AFG2A: variants seen among roughly 807,000 people sequenced by gnomAD.
The protein encoded by AFG2A is ATPase family gene 2 protein homolog A.
chr4:123,210,719 C>A, the AFG2A span, among the ~76,000 whole-genome samples: 1 of 152,028 alleles, frequency 6.6e-6, no homozygotes, highest in African/African-American at 2.4e-5. Context: ...AGTGGGTTTG[C>A]TAGACTACAT....
the AFG2A span, among the ~76,000 whole-genome samples, chr4:123,209,903 C>A: frequency 6.6e-6 from 1 of 152,082 alleles, no homozygotes; most frequent in Non-Finnish European, 1.5e-5. Context: ...TCTTCAACAG[C>A]TTCAGCTTTG....
chr4:123,001,949 G>A, the AFG2A span, among the ~76,000 whole-genome samples: 1 of 152,162 alleles, frequency 6.6e-6, no homozygotes, highest in Non-Finnish European at 1.5e-5. Flanking sequence ...AAGTCTCTTT[G>A]TAGGTCACTC....
the AFG2A span, among the ~76,000 whole-genome samples, chr4:123,118,862 A>T: frequency 6.6e-6 from 1 of 152,132 alleles, no homozygotes; most frequent in Non-Finnish European, 1.5e-5. Flanking sequence ...ATGTTTAATG[A>T]TTTTAACATA....
chr4:123,300,073 G>T, the AFG2A span, among the ~76,000 whole-genome samples: 3 of 152,096 alleles, frequency 2.0e-5, no homozygotes, highest in African/African-American at 7.2e-5. Flanking sequence ...TTCTTTAGGA[G>T]ACTTTCTGGC....
the AFG2A span, among the ~76,000 whole-genome samples, chr4:123,139,787 G>A: frequency 6.6e-6 from 1 of 151,886 alleles, no homozygotes; most frequent in Non-Finnish European, 1.5e-5. Flanking sequence ...GAGCAATTTT[G>A]GGAACCATTT....
the AFG2A span, among the ~76,000 whole-genome samples, chr4:122,993,778 T>C: frequency 1.3e-5 from 2 of 151,950 alleles, no homozygotes; most frequent in African/African-American, 2.4e-5. Context: ...GAAATTGATA[T>C]TGAATAATCT....
At chr4:122,943,134 G>A in the AFG2A span, among the ~76,000 whole-genome samples, 35 of 152,312 alleles carry the variant, frequency 2.3e-4, no homozygotes, top group Admixed American at 5.9e-4. Flanking sequence ...GGAGAGTTGT[G>A]TAGGTGTCTA....
At chr4:123,215,219 A>T in the AFG2A span, among the ~76,000 whole-genome samples, 2 of 152,120 alleles carry the variant, frequency 1.3e-5, no homozygotes, top group African/African-American at 4.8e-5. Flanking sequence ...CTAGAGCTGA[A>T]CCAGTTAAGA....
the AFG2A span, among the ~76,000 whole-genome samples, chr4:122,924,910 T>C: frequency 3.9e-5 from 6 of 152,210 alleles, no homozygotes; most frequent in Admixed American, 3.9e-4. Flanking sequence ...TAAATTTCAA[T>C]AAAAGCTTCT....
chr4:123,230,378 T>C, the AFG2A span, among the ~76,000 whole-genome samples: 1 of 151,976 alleles, frequency 6.6e-6, no homozygotes, highest in African/African-American at 2.4e-5. Flanking sequence ...TCTTGGCTCA[T>C]CCATAAGAAA....
the AFG2A span, among the ~76,000 whole-genome samples, chr4:123,104,153 A>G: frequency 6.6e-6 from 1 of 152,060 alleles, no homozygotes; most frequent in Admixed American, 6.6e-5. Context: ...CATTGGTGCC[A>G]TTTTTCCAAC....
At chr4:123,291,292 A>G in the AFG2A span, among the ~76,000 whole-genome samples, 2 of 152,214 alleles carry the variant, frequency 1.3e-5, no homozygotes, top group South Asian at 4.2e-4. Context: ...TAATTGGAGC[A>G]TTTAGATCCA....
the AFG2A span, among the ~76,000 whole-genome samples, chr4:122,948,328 G>T: frequency 8.6e-4 from 127 of 148,494 alleles, 1 homozygote; most frequent in African/African-American, 3.0e-3. Flanking sequence ...AGGGGTCCTG[G>T]AACAAATACT....
At chr4:123,207,285 C>CTTTTT in the AFG2A span, among the ~76,000 whole-genome samples, 76 of 108,446 alleles carry the variant, frequency 7.0e-4, 2 homozygotes, top group South Asian at 4.1e-3. Flanking sequence ...GTTGTGTTTC[C>CTTTTT]TTTTTTTTTT....
the AFG2A span, among the ~76,000 whole-genome samples, chr4:123,243,338 G>A: frequency 6.6e-6 from 1 of 152,164 alleles, no homozygotes; most frequent in Non-Finnish European, 1.5e-5. Flanking sequence ...TAAAGACTTG[G>A]AACCAACCCA....
chr4:122,939,725 C>T, the AFG2A span, among the ~76,000 whole-genome samples: 6 of 151,978 alleles, frequency 3.9e-5, no homozygotes, highest in Non-Finnish European at 7.4e-5. Flanking sequence ...TGGTGTGCTG[C>T]ACCCATTAAC....
At chr4:122,951,682 A>C in the AFG2A span, among the ~76,000 whole-genome samples, 1 of 152,184 alleles carries the variant, frequency 6.6e-6, no homozygotes, top group Non-Finnish European at 1.5e-5. Context: ...GGCAGCTTGC[A>C]GCTCAGCTCA....
chr4:123,255,686 A>T, the AFG2A span, among the ~76,000 whole-genome samples: 6 of 150,728 alleles, frequency 4.0e-5, no homozygotes, highest in Non-Finnish European at 8.8e-5. Context: ...ATTGCTGAGA[A>T]GGGCAAACCT....
At chr4:123,197,839 G>A in the AFG2A span, among the ~76,000 whole-genome samples, 1 of 152,052 alleles carries the variant, frequency 6.6e-6, no homozygotes, top group African/African-American at 2.4e-5. Flanking sequence ...GGGGAAGGCA[G>A]GTGTTAAGAA....
Sources: allele counts gnomAD v4.1 joint callset (sites outside exome capture counted in the v4.1 genomes callset), GRCh38; gene constraint gnomAD v4.1.1; transcripts MANE v1.5; gene names NCBI Gene and HGNC (gene_info 2026-07-23, HGNC 2026-07-21).